ME3: variants seen among roughly 807,000 people sequenced by gnomAD.
ME3 encodes the protein malic enzyme 3, also known as NADP-dependent malic enzyme, mitochondrial.
ME3 carries 48 observed loss-of-function variants against 68.9 expected under a neutral mutation model. That is an observed-to-expected ratio of 0.70 (90% confidence interval 0.55 to 0.89). ME3 has a LOEUF of 0.89. ME3 is among the 40% of genes least tolerant of loss of function. The pLI, the probability that ME3 is intolerant of heterozygous loss-of-function variation, is 0.00. For synonymous variants in ME3, 320 were observed against 318.8 expected, an observed-to-expected ratio of 1.00 and a Z score of -0.04; for missense variants, 675 against 797.4, an observed-to-expected ratio of 0.85 and a Z score of 1.85.
At chr11:86,653,062 G>A (rs1945577985) in intron 2 of ME3, among the ~76,000 whole-genome samples, 1 of 152,250 alleles carries the variant, frequency 6.6e-6, no homozygotes, top group South Asian at 2.1e-4. Context: ...AAGTATATAT[G>A]CACCCAATAC....
chr11:86,585,343 G>A (rs1330029844), intron 2 of ME3, among the ~76,000 whole-genome samples: 3 of 152,332 alleles, frequency 2.0e-5, no homozygotes, highest in East Asian at 3.9e-4. Flanking sequence ...AGAGGCAATG[G>A]TAGCTTGTGC....
chr11:86,506,511 T>C (rs1318095247), intron 5 of ME3, among the ~76,000 whole-genome samples: 1 of 152,064 alleles, frequency 6.6e-6, no homozygotes, highest in Non-Finnish European at 1.5e-5. Flanking sequence ...TGAAATTGAG[T>C]CCATGATCCC....
intron 4 of ME3, among the ~76,000 whole-genome samples, chr11:86,523,220 C>A (rs1167260313): frequency 6.6e-6 from 1 of 152,182 alleles, no homozygotes; most frequent in African/African-American, 2.4e-5. Context: ...TTATTTAGCT[C>A]CCATTGGGAA....
chr11:86,487,602 G>T (rs1465929532), intron 6 of ME3, among the ~76,000 whole-genome samples, 162 bp from the exon 7 acceptor site: 2 of 152,064 alleles, frequency 1.3e-5, no homozygotes, highest in African/African-American at 4.8e-5. Context: ...TTTCTGAAAG[G>T]GTCTGGAGGC....
chr11:86,516,230 G>T (rs1953890573), intron 4 of ME3, among the ~76,000 whole-genome samples: 1 of 152,118 alleles, frequency 6.6e-6, no homozygotes, highest in Admixed American at 6.6e-5. Flanking sequence ...GAACTTGAGG[G>T]ATGGAAAAAT....
At chr11:86,648,515 C>CAAA (rs57291273) in intron 2 of ME3, among the ~76,000 whole-genome samples, 3 of 147,134 alleles carry the variant, frequency 2.0e-5, no homozygotes, top group Non-Finnish European at 3.0e-5. Flanking sequence ...AAAAACCTTT[C>CAAA]AAAAAAAAAA....
At chr11:86,547,257 A>AAT (rs1565934963) in intron 4 of ME3, among the ~76,000 whole-genome samples, 1 of 151,448 alleles carries the variant, frequency 6.6e-6, no homozygotes, top group Non-Finnish European at 1.5e-5. Flanking sequence ...AAAAAAAAAA[A>AAT]AAAGAAAATG....
intron 8 of ME3, among the ~76,000 whole-genome samples, chr11:86,454,536 A>C (rs1949810997): frequency 6.6e-6 from 1 of 152,256 alleles, no homozygotes; most frequent in Admixed American, 6.5e-5. Context: ...CTAACATCAG[A>C]TATTGTTCCA....
intron 2 of ME3, among the ~76,000 whole-genome samples, chr11:86,652,889 G>C (rs533716250): frequency 1.0e-4 from 15 of 150,310 alleles, no homozygotes; most frequent in African/African-American, 3.7e-4. Flanking sequence ...AAAATAAAGG[G>C]ATGAAGGAAG....
intron 13 of ME3, among the ~76,000 whole-genome samples, chr11:86,445,522 G>C (rs1044420424): frequency 6.6e-6 from 1 of 152,190 alleles, no homozygotes; most frequent in Non-Finnish European, 1.5e-5. Flanking sequence ...AGCTTGTTAC[G>C]TGTAAATATG....
At chr11:86,564,847 A>T (rs1281302822) in intron 2 of ME3, among the ~76,000 whole-genome samples, 1 of 152,150 alleles carries the variant, frequency 6.6e-6, no homozygotes, top group African/African-American at 2.4e-5. Context: ...GGTAAACTGG[A>T]CTTCATCAAA....
chr11:86,552,396 G>A (rs1956736066), intron 4 of ME3, among the ~76,000 whole-genome samples: 3 of 152,032 alleles, frequency 2.0e-5, no homozygotes. Flanking sequence ...TCAGACATTG[G>A]GCTTCCCTCC....
intron 4 of ME3, among the ~76,000 whole-genome samples, chr11:86,550,956 G>T (rs1289886951): frequency 6.6e-6 from 1 of 151,924 alleles, no homozygotes; most frequent in Non-Finnish European, 1.5e-5. Context: ...TGTCCCAGGG[G>T]TCCCTCTGGG....
intron 7 of ME3, among the ~76,000 whole-genome samples, chr11:86,477,996 C>G (rs758108248): frequency 1.4e-4 from 21 of 152,212 alleles, no homozygotes; most frequent in Middle Eastern, 3.4e-3. Context: ...CCTTCAGAGT[C>G]AAGACAAGCC....
At chr11:86,456,189 A>G (rs1594029768) in intron 8 of ME3, among the ~76,000 whole-genome samples, 1 of 152,206 alleles carries the variant, frequency 6.6e-6, no homozygotes, top group Non-Finnish European at 1.5e-5. Context: ...GTTTCCTGCC[A>G]TTGGCTAGCG....
chr11:86,646,037 C>T (rs933712076), intron 2 of ME3, among the ~76,000 whole-genome samples: 2 of 152,126 alleles, frequency 1.3e-5, no homozygotes, highest in African/African-American at 4.8e-5. Flanking sequence ...GCTCAAAAAC[C>T]CCATCTGAAG....
chr11:86,563,492 C>A (rs1957337890), intron 2 of ME3, among the ~76,000 whole-genome samples: 1 of 151,940 alleles, frequency 6.6e-6, no homozygotes. Context: ...GTTGCTATTA[C>A]TTTTGGGGAC....
intron 2 of ME3, among the ~76,000 whole-genome samples, chr11:86,623,262 A>G (rs7115594): frequency 0.39 from 58,621 of 151,930 alleles, 11,967 homozygotes; most frequent in East Asian, 0.7. Flanking sequence ...CAGGACATCC[A>G]TCTTCTCCTG....
intron 4 of ME3, among the ~76,000 whole-genome samples, chr11:86,536,522 A>G (rs1318785762): frequency 5.2e-5 from 7 of 133,342 alleles, no homozygotes; most frequent in African/African-American, 1.4e-4. Context: ...GCAGCCAAAA[A>G]ACACATGAAA....
Sources: gnomAD v4.1 joint callset for allele counts (sites outside exome capture counted in the v4.1 genomes callset) on GRCh38, gnomAD v4.1.1 for gene constraint, MANE v1.5 for transcripts, NCBI Gene and HGNC (gene_info 2026-07-23, HGNC 2026-07-21) for gene names.